Variants in KCNH2 observed in about 807,000 individuals in gnomAD.
The protein encoded by KCNH2 is potassium voltage-gated channel subfamily H member 2, also known as voltage-gated inwardly rectifying potassium channel KCNH2.
A neutral mutation model predicts 95.9 loss-of-function variants in KCNH2; 35 were observed. The observed-to-expected ratio is 0.37, with a 90% CI of 0.28 to 0.48. The LOEUF (loss-of-function observed/expected upper bound fraction) is 0.48. KCNH2 is among the 20% of genes least tolerant of loss of function. The pLI is 0.99. For missense variants in KCNH2, 1,274 were observed against 1,702.9 expected, an observed-to-expected ratio of 0.75 and a Z score of 4.43; for synonymous variants, 786 against 754.7, an observed-to-expected ratio of 1.04 and a Z score of -0.68.
intron 2 of KCNH2, among the ~76,000 whole-genome samples, chr7:150,967,276 C>T (rs370874942): frequency 6.6e-6 from 1 of 152,004 alleles, no homozygotes; most frequent in African/African-American, 2.4e-5. Context: ...AAGACTCCAT[C>T]TGAAAAAATT....
rs976469640 is a variant in KCNH2, at chr7:150,961,105, C to T, written c.308-1369G>A. Reference sequence around the variant, plus strand: ...TCCTCTCAGCTCCCCCTCTGCTCAGCTGTCTTCTCTGCCTCCCAGTGTCTC... The same window carrying T: ...TCCTCTCAGCTCCCCCTCTGCTCAGTTGTCTTCTCTGCCTCCCAGTGTCTC... On this transcript the variant is annotated intron_variant, in intron 2 of 14. Transcript: ENST00000262186. This position sits in a 1 kb window ranked among gnomAD's most constrained non-coding sequence, Gnocchi z 6.2. Among the ~76,000 whole-genome samples, 2 of 152,184 alleles carry T rather than the reference C, an allele frequency of 1.3e-5. No individual in the cohort carries two copies. The highest frequency in any genetic ancestry group is 4.8e-5 in the African/African-American group (2 of 41,446).
intron 2 of KCNH2, among the ~76,000 whole-genome samples, chr7:150,970,851 T>G (rs1406801305): frequency 6.6e-6 from 1 of 152,186 alleles, no homozygotes; most frequent in Non-Finnish European, 1.5e-5. Context: ...CCCCATCCTC[T>G]GGGATCGCTC....
chr7:150,951,046 G>A lies in KCNH2; in HGVS notation c.2020C>T (p.His674Tyr), dbSNP rs780887954. ...QRLYSGTARYHTQMLRVREFI... is the reference protein window; with the variant it reads ...QRLYSGTARYYTQMLRVREFI... ...TCCCGCACCCGCAGCATCTGTGTGT[G>A]GTAGCGGGCTGTGCCCGAGTACAGC... Residue 674 changes from histidine to tyrosine, a missense_variant, in exon 8 of 15, where the codon CAC (histidine) becomes TAC (tyrosine). Around this residue, in one of 7 missense-constraint regions of KCNH2, gnomAD observed 159 missense variants for 282.5 expected, o/e 0.56. Transcript: ENST00000262186. The A allele has an allele frequency of 6.2e-7, 1 of 1,614,188 alleles. No homozygotes were observed. Among genetic ancestry groups the A allele is most frequent in the South Asian group, 1.1e-5 (1 of 91,090 alleles).
At chr7:150,949,870 T>C (rs1801066585) in intron 9 of KCNH2, 6 of 1,345,852 alleles carry the variant, frequency 4.5e-6, no homozygotes, top group Non-Finnish European at 5.8e-6. Context: ...CTTCCTCTAC[T>C]GCCCAGGCTA....
chr7:150,975,006 C>G, intron 1 of KCNH2, 65 bp from the exon 2 acceptor site: 4 of 1,396,334 alleles, frequency 2.9e-6, no homozygotes, highest in South Asian at 2.6e-5. Context: ...CCCAGCCCTT[C>G]CCCACATTCT....
At chr7:150,955,709 C>T in intron 5 of KCNH2, 2 of 1,347,954 alleles carry the variant, frequency 1.5e-6, no homozygotes, top group Non-Finnish European at 1.9e-6. Context: ...TGGGCAGCAG[C>T]CTGCCTGGCT....
intron 8 of KCNH2, 94 bp downstream of exon 8, chr7:150,950,827 C>T: frequency 7.5e-7 from 1 of 1,336,960 alleles, no homozygotes; most frequent in South Asian, 1.2e-5. Flanking sequence ...CTGACTGTGA[C>T]CGCCTGAGAC....
At position 150,961,312 on chromosome 7, in the gene KCNH2, T is replaced by C. The variant is rs1801561221; in HGVS notation, c.308-1576A>G. Among the ~76,000 whole-genome samples the C allele has an allele frequency of 6.6e-6, 1 of 151,556 alleles. No individual in the cohort carries two copies. The highest frequency in any genetic ancestry group is 1.5e-5 in the Non-Finnish European group (1 of 67,820). On this transcript the variant is annotated intron_variant, in intron 2 of 14. Transcript: ENST00000262186. This position sits in a 1 kb window ranked among gnomAD's most constrained non-coding sequence, Gnocchi z 6.2. ...AGCCTCACTTTTTTTTTTTTTTTTT[T>C]TCTGAGACAGGGTTTCACTCTGTCA...
chr7:150,947,030 G>T lies in KCNH2; in HGVS notation c.3177C>A (p.Asp1059Glu). ...LNRLETRLSA[D>E]MATVLQLLQR... ...GTAGCAGCTGCAGGACAGTGGCCAT[G>T]TCTGCACTCAGCCGGGTCTCCAGCC... Residue 1059 changes from aspartate to glutamate, a missense_variant, in exon 14 of 15, where the codon GAC becomes GAA. By Grantham distance (45) the Asp-to-Glu change is conservative (BLOSUM62 2). This residue lies in a region of KCNH2 where 457 missense variants were observed against 416.1 expected (regional missense o/e 1.10). Coordinates refer to ENST00000262186, the MANE Select transcript of KCNH2 (RefSeq NM_000238.4). The T allele has an allele frequency of 6.2e-7, 1 of 1,606,424 alleles. No individual in the cohort carries two copies. Among genetic ancestry groups the T allele is most frequent in the Non-Finnish European group, 8.5e-7 (1 of 1,174,858 alleles).
intron 2 of KCNH2, among the ~76,000 whole-genome samples, chr7:150,972,604 G>A (rs1379760992): frequency 1.3e-5 from 2 of 152,214 alleles, no homozygotes; most frequent in African/African-American, 4.8e-5. Flanking sequence ...TGAAGAAGGG[G>A]ACAGACAGAG....
Position 150,945,550 on chromosome 7 carries a change from C to A in KCNH2, c.3331-36G>T. ...CACAGAGCATGGGCAGGCGAAGAGG[C>A]CATGGAGGAGGAGGAAGGGGAGGGA... On this transcript the variant is annotated intron_variant, in intron 14 of 14. Transcript: ENST00000262186. This position sits in a 1 kb window ranked among gnomAD's most constrained non-coding sequence, Gnocchi z 5.6. The A allele has an allele frequency of 6.4e-7, 1 of 1,553,242 alleles. No individual in the cohort carries two copies. The highest frequency in any genetic ancestry group is 2.4e-5 in the East Asian group (1 of 41,248).
At position 150,946,414 on chromosome 7, in the gene KCNH2, G is replaced by A. The variant is rs1400406335; in HGVS notation, c.3330+463C>T. Among the ~76,000 whole-genome samples the A allele has an allele frequency of 2.0e-5, 3 of 152,218 alleles. No individual in the cohort carries two copies. Among genetic ancestry groups the A allele is most frequent in the Admixed American group, 6.5e-5 (1 of 15,274 alleles). ...TGCCAAGGGCAAGGATGGGCAGGAC[G>A]GTGAGACCAGGGAGTGTCACTCACA... On this transcript the variant is annotated intron_variant, in intron 14 of 14. Transcript: ENST00000262186. This position sits in a 1 kb window ranked among gnomAD's most constrained non-coding sequence, Gnocchi z 6.5.
intron 3 of KCNH2, among the ~76,000 whole-genome samples, chr7:150,959,182 A>G (rs535423125): frequency 6.6e-6 from 1 of 152,324 alleles, no homozygotes; most frequent in East Asian, 1.9e-4. Context: ...AGCTGAGTCC[A>G]TAGGACACAG....
In KCNH2 at chr7:150,952,913, G is replaced by C; in HGVS notation, c.1129-60C>G. On this transcript the variant is annotated intron_variant, in intron 5 of 14. Transcript: ENST00000262186. This position sits in a 1 kb window ranked among gnomAD's most constrained non-coding sequence, Gnocchi z 7.3. ...AGGCCATGGGACCTCGGGGGCAGGA[G>C]CGATGACATCTCTGCCGGGGCCAAG... 1.3e-6 allele frequency: 2 copies of C among 1,524,780 alleles called. No homozygotes were observed. The highest frequency in any genetic ancestry group is 1.8e-6 in the Non-Finnish European group (2 of 1,111,138). The allele number at this position is 1,524,780 out of a possible 1,614,324, so 94.5% of individuals were successfully genotyped here.
At chr7:150,953,098 G>A (rs549485580) in intron 5 of KCNH2, among the ~76,000 whole-genome samples, 6 of 152,276 alleles carry the variant, frequency 3.9e-5, no homozygotes, top group South Asian at 2.1e-4. Flanking sequence ...CCCGGCAGAC[G>A]TGGATTCAGG....
intron 5 of KCNH2, among the ~76,000 whole-genome samples, chr7:150,954,179 C>A (rs1801284468): frequency 6.6e-6 from 1 of 152,130 alleles, no homozygotes; most frequent in African/African-American, 2.4e-5. Flanking sequence ...GGCTCCATTT[C>A]TGCTCTGTCT....
chr7:150,952,298 GTCTTTCTC>G lies in KCNH2; in HGVS notation c.1557+119_1557+126del, dbSNP rs41307298. On this transcript the variant is annotated intron_variant, in intron 6 of 14. Transcript: ENST00000262186. The surrounding 1 kb of genome is among the most constrained non-coding windows in gnomAD (Gnocchi z 7.3). The stretch of plus-strand genomic sequence containing the variant: ...CTTGCCACCATGTCTCTCTCCCACT[GTCTTTCTC>G]TCTTTCTCTCTCTCTCTCTTTTTCT... 4.9e-6 allele frequency: 5 copies of G among 1,013,366 alleles called. No individual in the cohort carries two copies. Among genetic ancestry groups the G allele is most frequent in the African/African-American group, 3.3e-5 (2 of 61,536 alleles). The allele number at this position is 1,013,366 out of a possible 1,614,324, so 62.8% of individuals were successfully genotyped here. A position where few individuals can be genotyped will look rare whatever the true frequency, so the allele number is the denominator to read the frequency against.
rs778103101 is a variant in KCNH2 at position 150,951,828 on chromosome 7, C to T, written c.1565G>A (p.Gly522Glu). 1 of 1,574,724 alleles carries T rather than the reference C, an allele frequency of 6.4e-7. No individual in the cohort carries two copies. Among genetic ancestry groups the T allele is most frequent in the Non-Finnish European group, 8.6e-7 (1 of 1,156,176 alleles). Residue 522 changes from glycine (G) to glutamate (E), a missense_variant, in exon 7 of 15, where the codon GGG becomes GAG. Physicochemically the swap from Gly to Glu is moderately conservative, Grantham distance 98. Around this residue, in one of 7 missense-constraint regions of KCNH2, gnomAD observed 147 missense variants for 344.4 expected, o/e 0.43. Transcript: ENST00000262186. ...CAGCAGCCGCGCAGTCTTCAGCAGC[C>T]CGATCAGCTGGGGGACAGGGAAGGG... The part of the protein sequence containing the change: ...IFGSGSEELI[G>E]LLKTARLLRL...
intron 9 of KCNH2, 86 bp downstream of exon 9, chr7:150,950,082 C>T: frequency 6.2e-7 from 1 of 1,613,352 alleles, no homozygotes; most frequent in South Asian, 1.1e-5. Flanking sequence ...AGGTCCACAG[C>T]CCCAGTGACT....
Sources: allele counts gnomAD v4.1 joint callset (sites outside exome capture counted in the v4.1 genomes callset), GRCh38; gene constraint gnomAD v4.1.1; regional missense constraint gnomAD v4.1.1; non-coding constraint Gnocchi (gnomAD v3.1); transcripts MANE v1.5; gene names NCBI Gene and HGNC (gene_info 2026-07-23, HGNC 2026-07-21).